GPR39: variants seen among roughly 807,000 people sequenced by gnomAD.
GPR39 encodes G protein-coupled receptor 39.
Under a neutral mutation model 18.4 loss-of-function variants are expected in GPR39, and 23 were observed. That is an observed-to-expected ratio of 1.25 (90% confidence interval 0.90 to 1.77). The LOEUF is 1.77. Ranked by LOEUF, GPR39 falls within the 40% of genes most tolerant of loss-of-function variation. The probability of loss-of-function intolerance (pLI) is 0.00; values close to 1 mark genes in which losing one functional copy is unlikely to be tolerated. For synonymous variants in GPR39, 280 were observed against 257.9 expected (o/e 1.09, Z -0.82); for missense variants, 647 against 602.4 (o/e 1.07, Z -0.78).
intron 1 of GPR39, among the ~76,000 whole-genome samples, chr2:132,631,439 C>T (rs1036766015): frequency 6.6e-6 from 1 of 152,212 alleles, no homozygotes; most frequent in Non-Finnish European, 1.5e-5. Flanking sequence ...AAGGCATCCT[C>T]ATCTGATCAT....
chr2:132,593,442 C>T (rs1680880922), intron 1 of GPR39, among the ~76,000 whole-genome samples: 1 of 152,150 alleles, frequency 6.6e-6, no homozygotes, highest in African/African-American at 2.4e-5. Flanking sequence ...CATTGGCATA[C>T]ATTATCAGAC....
intron 1 of GPR39, among the ~76,000 whole-genome samples, chr2:132,475,497 C>G (rs2104785944): frequency 6.6e-6 from 1 of 151,994 alleles, no homozygotes; most frequent in South Asian, 2.1e-4. Flanking sequence ...GGTGGGGGAA[C>G]TGTTTTCCTC....
chr2:132,421,621 A>G (rs1037345160), intron 1 of GPR39, among the ~76,000 whole-genome samples: 2 of 152,236 alleles, frequency 1.3e-5, no homozygotes, highest in Non-Finnish European at 2.9e-5. Context: ...CATATTGAAT[A>G]TAGACATTAT....
At chr2:132,511,830 C>G (rs1254585663) in intron 1 of GPR39, among the ~76,000 whole-genome samples, 1 of 152,164 alleles carries the variant, frequency 6.6e-6, no homozygotes, top group African/African-American at 2.4e-5. Flanking sequence ...CCCCATTTTA[C>G]AGATGAGGAA....
intron 1 of GPR39, among the ~76,000 whole-genome samples, chr2:132,538,586 A>G (rs1679802906): frequency 1.3e-5 from 2 of 152,198 alleles, no homozygotes; most frequent in Admixed American, 1.3e-4. Flanking sequence ...GTGCTGGGAG[A>G]ATCCCCCTTG....
intron 1 of GPR39, among the ~76,000 whole-genome samples, chr2:132,443,554 G>C (rs1456930542): frequency 1.3e-5 from 2 of 152,174 alleles, no homozygotes; most frequent in Non-Finnish European, 2.9e-5. Flanking sequence ...CACATTTAAG[G>C]TAAGCTAGGC....
At chr2:132,455,006 A>C (rs949368919) in intron 1 of GPR39, among the ~76,000 whole-genome samples, 4 of 152,186 alleles carry the variant, frequency 2.6e-5, no homozygotes, top group African/African-American at 9.7e-5. Context: ...AAAATGAATT[A>C]GGGAGGATTC....
chr2:132,584,266 A>G (rs1680682311), intron 1 of GPR39, among the ~76,000 whole-genome samples: 1 of 152,144 alleles, frequency 6.6e-6, no homozygotes, highest in Non-Finnish European at 1.5e-5. Context: ...AGAACAATGT[A>G]TGCGTGAAGT....
rs977767314 is a variant in GPR39, at chr2:132,494,464, C to T, written c.856+76566C>T. On this transcript the variant is annotated intron_variant, in intron 1 of 1. Transcript: ENST00000329321. ...TTATTTGGCATCAATTCCTGTCACT[C>T]GCTGTGTCACTTTATCACACAAGGC... Among the ~76,000 whole-genome samples the T allele has an allele frequency of 8.5e-5, 13 of 152,242 alleles. No individual in the cohort carries two copies. The East Asian group carries it at 2.5e-3, about 29-fold the overall frequency.
intron 1 of GPR39, among the ~76,000 whole-genome samples, chr2:132,449,669 C>G (rs1031237652): frequency 6.6e-6 from 1 of 152,178 alleles, no homozygotes; most frequent in Non-Finnish European, 1.5e-5. Flanking sequence ...TGCTTCTCAT[C>G]ATCTTTGTTC....
chr2:132,580,409 C>A (rs749325394), intron 1 of GPR39, among the ~76,000 whole-genome samples: 2 of 151,980 alleles, frequency 1.3e-5, no homozygotes, highest in Non-Finnish European at 2.9e-5. Flanking sequence ...AGGAAAGTGC[C>A]GGTGGCTGAG....
intron 1 of GPR39, among the ~76,000 whole-genome samples, chr2:132,490,420 G>A (rs941232540): frequency 2.0e-5 from 3 of 151,812 alleles, no homozygotes; most frequent in Non-Finnish European, 2.9e-5. Flanking sequence ...GATTTAGACC[G>A]AGGAGGTTTA....
intron 1 of GPR39, among the ~76,000 whole-genome samples, chr2:132,571,867 C>T (rs1680444889): frequency 6.6e-6 from 1 of 152,198 alleles, no homozygotes; most frequent in African/African-American, 2.4e-5. Context: ...TAGTGGAGCC[C>T]AGATGAGAAG....
At chr2:132,563,438 G>A (rs1012285004) in intron 1 of GPR39, among the ~76,000 whole-genome samples, 1 of 152,170 alleles carries the variant, frequency 6.6e-6, no homozygotes, top group East Asian at 1.9e-4. Context: ...GCTCGGCATG[G>A]TGGCACGCAC....
chr2:132,620,582 A>T (rs377415074), intron 1 of GPR39, among the ~76,000 whole-genome samples: 2 of 152,064 alleles, frequency 1.3e-5, no homozygotes, highest in Non-Finnish European at 2.9e-5. Context: ...TAGGCAGGGA[A>T]GGCCTGGCAT....
At chr2:132,487,775 T>C (rs1681371365) in intron 1 of GPR39, among the ~76,000 whole-genome samples, 1 of 151,936 alleles carries the variant, frequency 6.6e-6, no homozygotes, top group African/African-American at 2.4e-5. Context: ...AATGAGAGGA[T>C]AAGAGTCGTA....
rs551324050 is a variant in GPR39, at chr2:132,493,298, C to CACCATATATAT, written c.856+75414_856+75424dup. Among the ~76,000 whole-genome samples the CACCATATATAT allele has an allele frequency of 2.8e-5, 4 of 145,172 alleles. No individual in the cohort carries two copies. In the South Asian group the frequency reaches 8.6e-4, roughly 31 times the overall value. Reference sequence around the variant, plus strand: ...GTATACCATATATACCATATATATACACCATATATATACCATATATATACA... The same window carrying CACCATATATAT: ...GTATACCATATATACCATATATATACACCATATATATACCATATATATACCATATATATACA... On this transcript the variant is annotated intron_variant, in intron 1 of 1. Transcript: ENST00000329321.
intron 1 of GPR39, among the ~76,000 whole-genome samples, chr2:132,592,267 G>A (rs1237329090): frequency 2.0e-5 from 3 of 152,196 alleles, no homozygotes; most frequent in Non-Finnish European, 4.4e-5. Context: ...GTCGGCAAGG[G>A]TGCACTGAGA....
At chr2:132,589,985 T>C (rs1680799717) in intron 1 of GPR39, among the ~76,000 whole-genome samples, 1 of 152,248 alleles carries the variant, frequency 6.6e-6, no homozygotes, top group Non-Finnish European at 1.5e-5. Flanking sequence ...GTGCTAGTTC[T>C]GCTTAAAGTT....
Sources: gnomAD v4.1 joint callset for allele counts (sites outside exome capture counted in the v4.1 genomes callset) on GRCh38, gnomAD v4.1.1 for gene constraint, MANE v1.5 for transcripts, NCBI Gene and HGNC (gene_info 2026-07-23, HGNC 2026-07-21) for gene names.